Variants in TOX observed in about 807,000 individuals in gnomAD.
TOX encodes the protein thymocyte selection associated high mobility group box, also known as thymocyte selection-associated high mobility group box protein TOX.
Under a neutral mutation model 53.7 loss-of-function variants are expected in TOX, and 11 were observed. The observed-to-expected ratio is 0.20, with a 90% confidence interval of 0.13 to 0.34. The LOEUF is 0.34. Among genes scored for constraint, TOX ranks in the 10% least tolerant of loss-of-function variants. The probability of loss-of-function intolerance (pLI) is 1.00; values close to 1 mark genes in which losing one functional copy is unlikely to be tolerated. For synonymous variants in TOX, 225 were observed against 245.3 expected (o/e 0.92, Z 0.77); for missense variants, 570 against 664.6 (o/e 0.86, Z 1.56).
rs928353186 is a variant in TOX, at chr8:58,806,977, G to C, written c.*770C>G. On this transcript the variant is annotated 3_prime_UTR_variant, in exon 9 of 9. Transcript: ENST00000361421. ...GCATTTGGCAGTTTTATACATAAAAGGACTTAAATGACATTTACTAACCAT... is the reference window on the plus strand; with the variant it reads ...GCATTTGGCAGTTTTATACATAAAACGACTTAAATGACATTTACTAACCAT... 6.6e-6 allele frequency: 1 copy of C among 152,508 alleles called. No individual in the cohort carries two copies. The highest frequency in any genetic ancestry group is 2.4e-5 in the African/African-American group (1 of 41,392). The allele number at this position is 152,508 out of a possible 1,614,324, so 9.4% of individuals were successfully genotyped here.
At chr8:59,057,551 AT>A (rs1803906830) in intron 1 of TOX, among the ~76,000 whole-genome samples, 1 of 152,194 alleles carries the variant, frequency 6.6e-6, no homozygotes, top group South Asian at 2.1e-4. Flanking sequence ...CTAAAATGAC[AT>A]TGTGTCACTC....
At chr8:59,061,347 C>T (rs1005712450) in intron 1 of TOX, among the ~76,000 whole-genome samples, 1 of 152,102 alleles carries the variant, frequency 6.6e-6, no homozygotes, top group African/African-American at 2.4e-5. Context: ...AGATAAAAGG[C>T]ATTTGATGAA....
chr8:58,927,616 A>G (rs749043238), intron 3 of TOX, among the ~76,000 whole-genome samples: 60 of 152,356 alleles, frequency 3.9e-4, no homozygotes, highest in African/African-American at 1.3e-3. Context: ...TCGGAGCCCA[A>G]TAAATGTCAG....
At position 59,092,265 on chromosome 8, in the gene TOX, T is replaced by TTA. The variant is rs201625696; in HGVS notation, c.102+26619_102+26620dup. ...AGACTCCATCTCATATATATATATT[T>TTA]TATATATATATATATATTATATATA... On this transcript the variant is annotated intron_variant, in intron 1 of 8. Transcript: ENST00000361421. Among the ~76,000 whole-genome samples the TTA allele has an allele frequency of 1.5e-3, 133 of 89,906 alleles. 8 individuals carry two copies. In the South Asian group the frequency reaches 0.016, roughly 11 times the overall value. The allele number at this position is 89,906 out of a possible 152,430, so 59.0% of individuals were successfully genotyped here.
At chr8:59,047,328 T>G in intron 1 of TOX, among the ~76,000 whole-genome samples, 1 of 147,926 alleles carries the variant, frequency 6.8e-6, no homozygotes. Flanking sequence ...GCCATTCTCC[T>G]GCCTCAGCCT....
intron 1 of TOX, among the ~76,000 whole-genome samples, chr8:59,004,462 A>C (rs1384417349): frequency 6.6e-6 from 1 of 152,246 alleles, no homozygotes; most frequent in Non-Finnish European, 1.5e-5. Flanking sequence ...AAGGGCTAAC[A>C]TATGCACTAA....
At chr8:59,111,992 G>C (rs1805024115) in intron 1 of TOX, among the ~76,000 whole-genome samples, 1 of 152,138 alleles carries the variant, frequency 6.6e-6, no homozygotes, top group South Asian at 2.1e-4. Flanking sequence ...TATCAGTGAT[G>C]ATTTTTTCAT....
At chr8:58,872,747 A>G (rs188509187) in intron 3 of TOX, among the ~76,000 whole-genome samples, 1 of 152,296 alleles carries the variant, frequency 6.6e-6, no homozygotes, top group East Asian at 1.9e-4. Flanking sequence ...AACTGCCTCA[A>G]CTGAGAAGAG....
chr8:59,009,537 T>G (rs562424070), intron 1 of TOX, among the ~76,000 whole-genome samples: 1 of 152,182 alleles, frequency 6.6e-6, no homozygotes, highest in Admixed American at 6.5e-5. Context: ...CACACCTGGC[T>G]AATTTTTGTA....
chr8:58,859,609 T>C (rs1810973876), intron 3 of TOX, among the ~76,000 whole-genome samples: 1 of 152,144 alleles, frequency 6.6e-6, no homozygotes, highest in Non-Finnish European at 1.5e-5. Context: ...CATAGTACTC[T>C]CTAGAACCAC....
At chr8:58,880,759 G>A (rs146064261) in intron 3 of TOX, among the ~76,000 whole-genome samples, 2 of 152,192 alleles carry the variant, frequency 1.3e-5, no homozygotes, top group East Asian at 3.9e-4. Flanking sequence ...TAATGTTTCT[G>A]TGCTGTCCAG....
rs565119511 is a variant in TOX at position 59,117,603 on chromosome 8, G to T, written c.102+1283C>A. ...GAGCTGCGACTCGGTCGCGTGGTGC[G>T]GAGTCCAGGGCTGAGAAGGCAGCGC... On this transcript the variant is annotated intron_variant, in intron 1 of 8. Coordinates refer to ENST00000361421, the MANE Select transcript of TOX (RefSeq NM_014729.3). The surrounding 1 kb of genome is among the most constrained non-coding windows in gnomAD (Gnocchi z 4.6). Among the ~76,000 whole-genome samples, 16 of 152,350 alleles carry T rather than the reference G, an allele frequency of 1.1e-4. No homozygotes were observed. Among genetic ancestry groups the T allele is most frequent in the Admixed American group, 9.1e-4 (14 of 15,308 alleles).
intron 3 of TOX, among the ~76,000 whole-genome samples, chr8:58,902,908 T>A (rs1811753811): frequency 6.6e-6 from 1 of 152,218 alleles, no homozygotes; most frequent in Non-Finnish European, 1.5e-5. Context: ...GCTCTACCAG[T>A]TCTTGGTAAA....
chr8:58,965,722 A>T (rs974988184), intron 1 of TOX, among the ~76,000 whole-genome samples: 4 of 152,076 alleles, frequency 2.6e-5, no homozygotes, highest in African/African-American at 9.7e-5. Flanking sequence ...AGAATATTTG[A>T]TACTTTGATG....
chr8:59,005,273 T>C (rs1311253528), intron 1 of TOX, among the ~76,000 whole-genome samples: 1 of 152,082 alleles, frequency 6.6e-6, no homozygotes, highest in Non-Finnish European at 1.5e-5. Context: ...CTCCTGACCT[T>C]GTGATCCACC....
intron 2 of TOX, among the ~76,000 whole-genome samples, chr8:58,951,763 A>G (rs1027225464): frequency 3.0e-4 from 45 of 152,240 alleles, no homozygotes; most frequent in Non-Finnish European, 2.2e-4. Flanking sequence ...AGATCAGGCT[A>G]TCACATTTGA....
At chr8:59,081,720 T>C (rs1225561253) in intron 1 of TOX, among the ~76,000 whole-genome samples, 2 of 152,192 alleles carry the variant, frequency 1.3e-5, no homozygotes, top group Non-Finnish European at 2.9e-5. Context: ...GATGAAGCAC[T>C]AGCCTCCTTT....
rs185738379 is a variant in TOX at position 59,109,066 on chromosome 8, C to A, written c.102+9820G>T. Among the ~76,000 whole-genome samples the A allele has an allele frequency of 3.9e-5, 6 of 152,278 alleles. No individual in the cohort carries two copies. The South Asian group carries it at 1.2e-3, about 32-fold the overall frequency. On this transcript the variant is annotated intron_variant, in intron 1 of 8. Transcript: ENST00000361421. ...ACCATATCAGGTCTACAAACTAACACTGATTAATTTCTTAGATTTTAAATA... is the reference window on the plus strand; with the variant it reads ...ACCATATCAGGTCTACAAACTAACAATGATTAATTTCTTAGATTTTAAATA...
intron 1 of TOX, among the ~76,000 whole-genome samples, chr8:58,966,827 T>C (rs1280477981): frequency 6.6e-6 from 1 of 152,010 alleles, no homozygotes; most frequent in Non-Finnish European, 1.5e-5. Context: ...GTGTTTTTGG[T>C]TTTTTGTTTT....
Sources: gnomAD v4.1 joint callset for allele counts (sites outside exome capture counted in the v4.1 genomes callset) on GRCh38, gnomAD v4.1.1 for gene constraint, Gnocchi (gnomAD v3.1) non-coding constraint, MANE v1.5 for transcripts, NCBI Gene and HGNC (gene_info 2026-07-23, HGNC 2026-07-21) for gene names.